ARID1B: variants seen among roughly 807,000 people sequenced by gnomAD.
ARID1B encodes the protein AT-rich interaction domain 1B.
Under a neutral mutation model 212.3 loss-of-function variants are expected in ARID1B, and 30 were observed. That is an observed-to-expected ratio of 0.14 (90% CI 0.11 to 0.19). The LOEUF is 0.19. Ranked by LOEUF, ARID1B falls within the 10% of genes least tolerant of loss-of-function variation. The probability of loss-of-function intolerance (pLI) is 1.00; values close to 1 mark genes in which losing one functional copy is unlikely to be tolerated. For synonymous variants in ARID1B, 1,402 were observed against 1,301.7 expected (o/e 1.08, Z -1.66); for missense variants, 2,891 against 3,204.0 (o/e 0.90, Z 2.36).
chr6:156,853,053 G>A (rs1009288868), intron 2 of ARID1B, among the ~76,000 whole-genome samples: 2 of 152,202 alleles, frequency 1.3e-5, no homozygotes, highest in Admixed American at 1.3e-4. Context: ...CACATACAGT[G>A]ATCGGTTTGA....
At chr6:156,817,950 C>T (rs1250068098) in intron 1 of ARID1B, among the ~76,000 whole-genome samples, 3 of 152,266 alleles carry the variant, frequency 2.0e-5, no homozygotes, top group African/African-American at 7.2e-5. Context: ...GCAGTTATCA[C>T]TGTCAGGAAA....
rs78529606 is a variant in ARID1B, at chr6:156,905,588, G to A, written c.2136+4063G>A. Among the ~76,000 whole-genome samples the A allele has an allele frequency of 9.4e-3, 1,433 of 152,238 alleles. 27 individuals are homozygous for A. The highest frequency in any genetic ancestry group is 0.033 in the African/African-American group (1,371 of 41,554). On this transcript the variant is annotated intron_variant, in intron 3 of 19. Coordinates refer to ENST00000636930, the MANE Select transcript of ARID1B (RefSeq NM_001374828.1). ...TCAACCATTGCAGCTACCTTTCCCT[G>A]ATGCCACTAAAATCATTAACTGAAT...
intron 3 of ARID1B, among the ~76,000 whole-genome samples, chr6:156,934,234 A>G (rs1345201389): frequency 6.6e-6 from 1 of 152,190 alleles, no homozygotes; most frequent in East Asian, 1.9e-4. Flanking sequence ...ACATGCTATA[A>G]TAAGTATTTA....
At chr6:157,123,238 GCCCC>G (rs145123304) in intron 6 of ARID1B, among the ~76,000 whole-genome samples, 5 of 83,536 alleles carry the variant, frequency 6.0e-5, no homozygotes, top group African/African-American at 1.5e-4. Context: ...CCCGCCCCCC[GCCCC>G]CCCCCCACAC....
At chr6:156,785,767 A>G (rs2115106612) in intron 1 of ARID1B, among the ~76,000 whole-genome samples, 1 of 152,340 alleles carries the variant, frequency 6.6e-6, no homozygotes, top group Middle Eastern at 3.4e-3. Flanking sequence ...TGTAACCATT[A>G]ATCTTATCAC....
intron 4 of ARID1B, among the ~76,000 whole-genome samples, chr6:157,075,348 T>G (rs1784236364): frequency 6.6e-6 from 1 of 152,248 alleles, no homozygotes; most frequent in Non-Finnish European, 1.5e-5. Context: ...GTAAAAAGTT[T>G]CTGAATTCTC....
At chr6:157,122,033 G>A (rs76928365) in intron 6 of ARID1B, among the ~76,000 whole-genome samples, 32 of 152,138 alleles carry the variant, frequency 2.1e-4, no homozygotes, top group Non-Finnish European at 3.8e-4. Context: ...ACTTATCTAA[G>A]AATAACACAG....
chr6:157,156,233 A>G (rs1243574112), intron 8 of ARID1B, among the ~76,000 whole-genome samples: 1 of 152,232 alleles, frequency 6.6e-6, no homozygotes, highest in East Asian at 1.9e-4. Context: ...GTTTTAACAT[A>G]ATAGCTATGA....
Position 156,871,692 on chromosome 6 carries a change from T to A in ARID1B, c.1987-29684T>A, listed in dbSNP as rs76268680. 1,588 of 1,602,822 alleles carry A rather than the reference T, an allele frequency of 9.9e-4. 13 individuals carry two copies. In the African/African-American group the frequency reaches 0.017, roughly 17 times the overall value. On this transcript the variant is annotated intron_variant, in intron 2 of 19. Transcript: ENST00000636930. Reference sequence around the variant, plus strand: ...ACATGCTCTTACTTGCTCCAAGTCTTTGGGACAGCATATGACAGTGGGGGC... The same window carrying A: ...ACATGCTCTTACTTGCTCCAAGTCTATGGGACAGCATATGACAGTGGGGGC...
At chr6:156,816,582 G>A (rs1047871466) in intron 1 of ARID1B, among the ~76,000 whole-genome samples, 1 of 152,198 alleles carries the variant, frequency 6.6e-6, no homozygotes, top group African/African-American at 2.4e-5. Flanking sequence ...TAAGAGAGCT[G>A]TGGGGAACGG....
At chr6:157,174,347 T>A (rs1791937926) in intron 10 of ARID1B, 1 of 446,584 alleles carries the variant, frequency 2.2e-6, no homozygotes, top group African/African-American at 2.0e-5. Flanking sequence ...GGGAGAGGGG[T>A]GGAGGGACAA....
intron 7 of ARID1B, among the ~76,000 whole-genome samples, chr6:157,137,161 G>A (rs1453642213): frequency 6.6e-6 from 1 of 151,956 alleles, no homozygotes; most frequent in East Asian, 1.9e-4. Context: ...AGCCTGGGTG[G>A]CAAAGTGAGA....
At chr6:157,202,729 A>G (rs1006296598) in intron 18 of ARID1B, among the ~76,000 whole-genome samples, 9 of 150,280 alleles carry the variant, frequency 6.0e-5, no homozygotes, top group Non-Finnish European at 1.0e-4. Context: ...ATCCCTTTAT[A>G]TATATATATA....
chr6:156,783,423 G>A (rs1290852198), intron 1 of ARID1B, among the ~76,000 whole-genome samples: 1 of 151,944 alleles, frequency 6.6e-6, no homozygotes, highest in Non-Finnish European at 1.5e-5. Flanking sequence ...TCATTTGATC[G>A]TTTTATTAGA....
chr6:156,874,973 A>C (rs1023057701), intron 2 of ARID1B, among the ~76,000 whole-genome samples: 2 of 152,218 alleles, frequency 1.3e-5, no homozygotes, highest in African/African-American at 4.8e-5. Flanking sequence ...CACAAAGTGG[A>C]ATAGCCCACC....
chr6:156,812,975 T>TGTGTGTATATACATAC (rs1554254429), intron 1 of ARID1B, among the ~76,000 whole-genome samples: 8 of 103,580 alleles, frequency 7.7e-5, no homozygotes, highest in Non-Finnish European at 1.4e-4. Flanking sequence ...TGTGTGTGTG[T>TGTGTGTATATACATAC]GTATGTATAT....
At chr6:157,092,303 C>T (rs1045058339) in intron 5 of ARID1B, among the ~76,000 whole-genome samples, 2 of 152,182 alleles carry the variant, frequency 1.3e-5, no homozygotes, top group African/African-American at 2.4e-5. Context: ...TTATTGGTAG[C>T]GTGATGTAGA....
chr6:157,157,893 C>T (rs555771198), intron 8 of ARID1B, among the ~76,000 whole-genome samples: 2 of 152,148 alleles, frequency 1.3e-5, no homozygotes, highest in African/African-American at 4.8e-5. Context: ...CATGGTAGCG[C>T]ACACCTCTAG....
intron 1 of ARID1B, among the ~76,000 whole-genome samples, chr6:156,793,405 G>A (rs77906375): frequency 0.016 from 2,375 of 152,186 alleles, 66 homozygotes; most frequent in African/African-American, 0.054. Context: ...AGTGGGCAGC[G>A]GTGAGGTCAT....
Sources: allele counts gnomAD v4.1 joint callset (sites outside exome capture counted in the v4.1 genomes callset), GRCh38; gene constraint gnomAD v4.1.1; transcripts MANE v1.5; gene names NCBI Gene and HGNC (gene_info 2026-07-23, HGNC 2026-07-21).